The following ZBTB44 variants were observed in gnomAD, a reference collection of about 807,000 sequenced individuals.
ZBTB44 encodes the protein zinc finger and BTB domain containing 44.
Under a neutral mutation model 54.0 loss-of-function variants are expected in ZBTB44, and 15 were observed. The observed-to-expected ratio is 0.28, with a 90% confidence interval of 0.19 to 0.43. ZBTB44 has a LOEUF of 0.43. ZBTB44 is among the 20% of genes least tolerant of loss of function. ZBTB44 has a pLI of 1.00. For missense variants in ZBTB44, 487 were observed against 707.1 expected (o/e 0.69, Z 3.53); for synonymous variants, 230 against 250.1 (o/e 0.92, Z 0.76).
chr11:130,252,398 C>T (rs1281456513), intron 2 of ZBTB44, among the ~76,000 whole-genome samples: 1 of 152,134 alleles, frequency 6.6e-6, no homozygotes, highest in Non-Finnish European at 1.5e-5. Flanking sequence ...ATATTCAGGA[C>T]TTGAACTCAG....
At chr11:130,245,560 G>T (rs1355910979) in intron 2 of ZBTB44, among the ~76,000 whole-genome samples, 1 of 152,144 alleles carries the variant, frequency 6.6e-6, no homozygotes, top group Non-Finnish European at 1.5e-5. Flanking sequence ...GCCCCAAAAC[G>T]CCTGGAGTTG....
intron 2 of ZBTB44, among the ~76,000 whole-genome samples, chr11:130,249,347 C>G (rs755343116): frequency 6.6e-6 from 1 of 152,158 alleles, no homozygotes; most frequent in Non-Finnish European, 1.5e-5. Flanking sequence ...TTGGTTGTAT[C>G]AACAAATAGC....
At chr11:130,293,468 T>C (rs1329351124) in intron 1 of ZBTB44, among the ~76,000 whole-genome samples, 1 of 126,078 alleles carries the variant, frequency 7.9e-6, no homozygotes, top group Non-Finnish European at 1.6e-5. Context: ...CAAGATCTTG[T>C]ATCAAAAAAA....
intron 1 of ZBTB44, among the ~76,000 whole-genome samples, chr11:130,268,069 C>CA (rs574966633): frequency 0.017 from 1,116 of 64,878 alleles, 13 homozygotes; most frequent in African/African-American, 0.045. Flanking sequence ...ACTCTGTCTA[C>CA]AAAAAAAAAA....
chr11:130,310,219 A>C (rs938138866), intron 1 of ZBTB44: 2 of 152,138 alleles, frequency 1.3e-5, no homozygotes, highest in African/African-American at 2.4e-5. Flanking sequence ...CCAGCTACTC[A>C]AGAGGCTGAG....
chr11:130,273,786 G>A lies in ZBTB44; in HGVS notation c.-56-11857C>T, dbSNP rs1372989103. 3.9e-5 allele frequency among the ~76,000 whole-genome samples: 6 copies of A among 152,060 alleles called. No homozygotes were observed. The East Asian group carries it at 7.7e-4, about 20-fold the overall frequency. ...AGTATCCCTTATCCAAAATGCTTGG[G>A]GGCCAGGCATGGTGGCTCACATCTG... is the stretch of plus-strand genomic sequence containing the variant. On this transcript the variant is annotated intron_variant, in intron 1 of 7. Coordinates refer to ENST00000357899, the MANE Select transcript of ZBTB44 (RefSeq NM_001301098.2).
chr11:130,289,729 G>A (rs77302164), intron 1 of ZBTB44, among the ~76,000 whole-genome samples: 6,224 of 152,178 alleles, frequency 0.041, 317 homozygotes, highest in African/African-American at 0.12. Flanking sequence ...AAGCAAGAAC[G>A]TATGTCCTCA....
chr11:130,313,956 A>G (rs1351536664), intron 1 of ZBTB44, among the ~76,000 whole-genome samples: 87 of 144,396 alleles, frequency 6.0e-4, no homozygotes, highest in African/African-American at 2.2e-3. Flanking sequence ...GTGTATATAT[A>G]TATATATATA....
chr11:130,255,945 C>T (rs1008251630), intron 2 of ZBTB44, among the ~76,000 whole-genome samples: 2 of 150,558 alleles, frequency 1.3e-5, no homozygotes, highest in African/African-American at 4.9e-5. Flanking sequence ...TATAAACTCT[C>T]CTGAAATAGC....
intron 1 of ZBTB44, chr11:130,296,399 C>T (rs968476502): frequency 1.0e-4 from 158 of 1,508,116 alleles, no homozygotes; most frequent in Non-Finnish European, 1.3e-4. Context: ...TTGATTTGCC[C>T]GTCTTGGCCA....
chr11:130,304,323 A>T (rs939768335), intron 1 of ZBTB44, among the ~76,000 whole-genome samples: 1 of 152,198 alleles, frequency 6.6e-6, no homozygotes, highest in South Asian at 2.1e-4. Flanking sequence ...GAGTGTATTC[A>T]ATAGGGGTTA....
At chr11:130,291,869 T>A (rs1397204086) in intron 1 of ZBTB44, among the ~76,000 whole-genome samples, 1 of 152,232 alleles carries the variant, frequency 6.6e-6, no homozygotes, top group Non-Finnish European at 1.5e-5. Context: ...TTATAACATA[T>A]ATATCACCAC....
At chr11:130,259,103 G>A (rs1451685779) in intron 2 of ZBTB44, among the ~76,000 whole-genome samples, 1 of 152,194 alleles carries the variant, frequency 6.6e-6, no homozygotes. Flanking sequence ...GACATTCCAT[G>A]CTCATGGATA....
intron 1 of ZBTB44, among the ~76,000 whole-genome samples, chr11:130,311,735 TAC>T (rs1176061745): frequency 6.6e-6 from 1 of 152,180 alleles, no homozygotes. Context: ...GGTTTCTATA[TAC>T]GATTTCTCAT....
In ZBTB44 at chr11:130,273,701, CTTGT is replaced by C. The variant is rs532974383; in HGVS notation, c.-56-11776_-56-11773del. On this transcript the variant is annotated intron_variant, in intron 1 of 7. Coordinates refer to ENST00000357899, the MANE Select transcript of ZBTB44 (RefSeq NM_001301098.2). Reference sequence around the variant, plus strand: ...TTTTATATTCTGCAACCTTGCTCAACTTGTTTATTAGTCCTATACTTTTTAAATG... The same window carrying C: ...TTTTATATTCTGCAACCTTGCTCAACTTATTAGTCCTATACTTTTTAAATG... Among the ~76,000 whole-genome samples, 197 of 152,278 alleles carry C rather than the reference CTTGT, an allele frequency of 1.3e-3. 1 individual carries two copies. Among genetic ancestry groups the C allele is most frequent in the African/African-American group, 4.4e-3 (184 of 41,552 alleles).
At chr11:130,276,242 A>AAAAAAAGAAAAAAG (rs59112840) in intron 1 of ZBTB44, among the ~76,000 whole-genome samples, 1 of 94,420 alleles carries the variant, frequency 1.1e-5, no homozygotes, top group Non-Finnish European at 2.1e-5. Context: ...CAAAAAAAAA[A>AAAAAAAGAAAAAAG]AAAAGAAAAA....
rs1003451647 is a variant in ZBTB44, at chr11:130,230,255, A to G, written c.*1509T>C. 6.6e-6 allele frequency: 1 copy of G among 152,062 alleles called. No individual in the cohort carries two copies. 9.4% of individuals were successfully genotyped at this position (152,062 alleles called of 1,614,324 possible). A position where few individuals can be genotyped will look rare whatever the true frequency, so the allele number is the denominator to read the frequency against. On this transcript the variant is annotated 3_prime_UTR_variant, in exon 8 of 8. Coordinates refer to ENST00000357899, the MANE Select transcript of ZBTB44 (RefSeq NM_001301098.2). ...TAGAAATAAAAGACTGAAAGATTTA[A>G]TACAGCTTCCAAAGGCTCCCAAGAG...
chr11:130,233,719 A>C, intron 6 of ZBTB44: 7 of 1,177,402 alleles, frequency 5.9e-6, no homozygotes, highest in Non-Finnish European at 7.4e-6. Context: ...CAATGGAAGA[A>C]GGAACTGGTA....
At chr11:130,301,995 T>G (rs1164341394) in intron 1 of ZBTB44, among the ~76,000 whole-genome samples, 1 of 146,414 alleles carries the variant, frequency 6.8e-6, no homozygotes, top group Non-Finnish European at 1.5e-5. Context: ...GAGGCCATAA[T>G]GAGCCACGAT....
Sources: gnomAD v4.1 joint callset for allele counts (sites outside exome capture counted in the v4.1 genomes callset) on GRCh38, gnomAD v4.1.1 for gene constraint, MANE v1.5 for transcripts, NCBI Gene and HGNC (gene_info 2026-07-23, HGNC 2026-07-21) for gene names.